The following EVA1C variants were observed in gnomAD, a reference collection of about 807,000 sequenced individuals.
The protein encoded by EVA1C is eva-1 homolog C.
A neutral mutation model predicts 45.4 loss-of-function variants in EVA1C; 25 were observed. The observed-to-expected ratio is 0.55, with a 90% CI of 0.40 to 0.77. The LOEUF (loss-of-function observed/expected upper bound fraction) is 0.77, where lower values mean the gene tolerates loss of function less well. Among genes scored for constraint, EVA1C ranks in the 30% least tolerant of loss-of-function variants. EVA1C has a pLI of 0.00. For synonymous variants in EVA1C, 190 were observed against 221.2 expected, an observed-to-expected ratio of 0.86 and a Z score of 1.25; for missense variants, 479 against 554.8, an observed-to-expected ratio of 0.86 and a Z score of 1.37.
chr21:32,467,533 C>T (rs780853554), intron 3 of EVA1C, among the ~76,000 whole-genome samples, 163 bp from the exon 4 acceptor site: 7 of 152,186 alleles, frequency 4.6e-5, no homozygotes, highest in Non-Finnish European at 8.8e-5. Context: ...CTGCAGAGGG[C>T]TTTGTTTTCT....
At chr21:32,433,206 A>G (rs2034782124) in intron 1 of EVA1C, 1 of 152,258 alleles carries the variant, frequency 6.6e-6, no homozygotes, top group South Asian at 2.1e-4. Context: ...GCTTGAAGGC[A>G]TCCCCTGAGC....
intron 7 of EVA1C, among the ~76,000 whole-genome samples, chr21:32,506,934 G>A (rs2037743105): frequency 6.6e-6 from 1 of 152,222 alleles, no homozygotes; most frequent in African/African-American, 2.4e-5. Context: ...AGCCAAGAGT[G>A]TGAGCAGGGC....
At chr21:32,482,416 G>A (rs974633872) in intron 4 of EVA1C, among the ~76,000 whole-genome samples, 3 of 152,168 alleles carry the variant, frequency 2.0e-5, no homozygotes, top group Non-Finnish European at 2.9e-5. Flanking sequence ...TGGGCAAACA[G>A]TAGTGAGCTC....
At chr21:32,472,195 G>A (rs2036400524) in intron 4 of EVA1C, among the ~76,000 whole-genome samples, 1 of 152,100 alleles carries the variant, frequency 6.6e-6, no homozygotes, top group Non-Finnish European at 1.5e-5. Flanking sequence ...CTCTCGCTCT[G>A]TCGCCCACGC....
chr21:32,453,184 G>T, intron 1 of EVA1C, 128 bp from the exon 2 acceptor site: 3 of 603,436 alleles, frequency 5.0e-6, no homozygotes, highest in Non-Finnish European at 8.9e-6. Flanking sequence ...AGCTGCTAGG[G>T]AGGCCCCATC....
At chr21:32,479,293 C>T (rs2036693068) in intron 4 of EVA1C, among the ~76,000 whole-genome samples, 1 of 152,070 alleles carries the variant, frequency 6.6e-6, no homozygotes, top group Non-Finnish European at 1.5e-5. Context: ...CATGGTGGCG[C>T]ATGTCTGTAA....
At chr21:32,426,403 AAGTCACGAAGAT>A (rs1208382540) in intron 1 of EVA1C, among the ~76,000 whole-genome samples, 1 of 152,038 alleles carries the variant, frequency 6.6e-6, no homozygotes, top group Admixed American at 6.5e-5. Context: ...AGGAAGGAGA[AAGTCACGAAGAT>A]AGTGCAGAGA....
At chr21:32,446,113 C>A (rs569484687) in intron 1 of EVA1C, among the ~76,000 whole-genome samples, 1 of 151,932 alleles carries the variant, frequency 6.6e-6, no homozygotes, top group Non-Finnish European at 1.5e-5. Flanking sequence ...TGTGGTGGCA[C>A]GTGCCTGTAG....
intron 1 of EVA1C, among the ~76,000 whole-genome samples, chr21:32,436,256 G>T (rs1358275306): frequency 1.3e-5 from 2 of 152,106 alleles, no homozygotes; most frequent in African/African-American, 4.8e-5. Flanking sequence ...TAGAGACGGG[G>T]TTTCGCCATG....
At chr21:32,449,888 G>A (rs1244452122) in intron 1 of EVA1C, among the ~76,000 whole-genome samples, 1 of 152,174 alleles carries the variant, frequency 6.6e-6, no homozygotes, top group Non-Finnish European at 1.5e-5. Flanking sequence ...CTCCCAAACT[G>A]TTGGGATTAT....
chr21:32,505,468 G>A (rs964157024), intron 7 of EVA1C, among the ~76,000 whole-genome samples: 12 of 152,138 alleles, frequency 7.9e-5, no homozygotes, highest in African/African-American at 2.7e-4. Flanking sequence ...AGAGAATAAC[G>A]ATTGAAGGGG....
chr21:32,506,993 A>T, intron 7 of EVA1C, among the ~76,000 whole-genome samples: 1 of 152,208 alleles, frequency 6.6e-6, no homozygotes, highest in African/African-American at 2.4e-5. Context: ...AGTGAATCCA[A>T]AAGTACATTT....
chr21:32,431,749 C>T (rs147947655), intron 1 of EVA1C, among the ~76,000 whole-genome samples: 2,067 of 152,308 alleles, frequency 0.014, 52 homozygotes, highest in African/African-American at 0.047. Flanking sequence ...TACCATTTTA[C>T]CCCATTTGCT....
intron 5 of EVA1C, chr21:32,497,407 T>G: frequency 2.9e-6 from 1 of 347,164 alleles, no homozygotes; most frequent in Non-Finnish European, 5.4e-6. Context: ...ATTTAGTTAT[T>G]CAGAAGACAA....
chr21:32,432,813 T>A (rs1255234853), intron 1 of EVA1C, among the ~76,000 whole-genome samples: 3 of 152,132 alleles, frequency 2.0e-5, no homozygotes, highest in African/African-American at 7.2e-5. Flanking sequence ...CTTGACCTCC[T>A]GGGCTCAAGC....
At chr21:32,479,592 G>C (rs1281434361) in intron 4 of EVA1C, among the ~76,000 whole-genome samples, 1 of 152,090 alleles carries the variant, frequency 6.6e-6, no homozygotes. Context: ...AGTTGTCTTG[G>C]GCCTCTTCCT....
At chr21:32,496,751 G>T in intron 5 of EVA1C, 1 of 640,428 alleles carries the variant, frequency 1.6e-6, no homozygotes, top group South Asian at 1.8e-5. Context: ...TGTAGTTTTG[G>T]CCGGGGACCG....
chr21:32,515,186 A>G lies in EVA1C; in HGVS notation c.1322A>G (p.Tyr441Cys), dbSNP rs2038099719. The G allele has an allele frequency of 1.3e-6, 2 of 1,576,996 alleles. No individual in the cohort carries two copies. The highest frequency in any genetic ancestry group is 2.3e-5 in the South Asian group (2 of 85,906). Residue 441 changes from tyrosine (Y) to cysteine (C), a missense_variant, in exon 8 of 8, where the codon TAC becomes TGC. Transcript: ENST00000300255. ...CTCCCAAGAAACATGGGCCAGTTCT[A>G]CTGAAAACCACATGCATCTTGATGC... ...TSLPRNMGQF[Y>C]
chr21:32,417,947 C>A (rs1449200491), intron 1 of EVA1C, among the ~76,000 whole-genome samples: 2 of 152,120 alleles, frequency 1.3e-5, no homozygotes, highest in African/African-American at 4.8e-5. Context: ...GTTGAGGACA[C>A]CTCTGGAGTT....
Sources: allele counts gnomAD v4.1 joint callset (sites outside exome capture counted in the v4.1 genomes callset), GRCh38; gene constraint gnomAD v4.1.1; transcripts MANE v1.5; gene names NCBI Gene and HGNC (gene_info 2026-07-23, HGNC 2026-07-21).